Variants in PDGFD observed in about 807,000 individuals in gnomAD.
PDGFD encodes the protein platelet derived growth factor D.
In PDGFD, 30 loss-of-function variants were observed where a neutral mutation model predicts 44.7. The ratio of observed to expected loss-of-function variants is 0.67; its 90% CI spans 0.50 to 0.91. PDGFD has a LOEUF of 0.91. Among genes scored for constraint, PDGFD ranks in the 40% least tolerant of loss-of-function variants. The probability of loss-of-function intolerance (pLI) is 0.00; values close to 1 mark genes in which losing one functional copy is unlikely to be tolerated. For synonymous variants in PDGFD, 173 were observed against 168.4 expected, an observed-to-expected ratio of 1.03 and a Z score of -0.21; for missense variants, 445 against 457.8, an observed-to-expected ratio of 0.97 and a Z score of 0.25.
intron 1 of PDGFD, among the ~76,000 whole-genome samples, chr11:104,117,088 A>C (rs2134457103): frequency 6.6e-6 from 1 of 152,200 alleles, no homozygotes; most frequent in South Asian, 2.1e-4. Flanking sequence ...TATGCAAGTC[A>C]ATCAATGTGA....
chr11:104,012,321 A>T (rs1859796985), intron 1 of PDGFD, among the ~76,000 whole-genome samples: 1 of 152,244 alleles, frequency 6.6e-6, no homozygotes, highest in African/African-American at 2.4e-5. Flanking sequence ...ATACTGAATT[A>T]CCGAAGTGAT....
chr11:104,097,998 T>C (rs1047284068), intron 1 of PDGFD, among the ~76,000 whole-genome samples: 6 of 152,164 alleles, frequency 3.9e-5, no homozygotes. Context: ...CTGAATACTT[T>C]GAATAAAAAT....
At position 103,909,226 on chromosome 11, in the gene PDGFD, G is replaced by C. The variant is rs1857989100; in HGVS notation, c.*468C>G. 6.5e-6 allele frequency: 1 copy of C among 152,718 alleles called. No homozygotes were observed. Among genetic ancestry groups the C allele is most frequent in the African/African-American group, 2.4e-5 (1 of 41,400 alleles). The allele number at this position is 152,718 out of a possible 1,614,324, so 9.5% of individuals were successfully genotyped here. A position where few individuals can be genotyped will look rare whatever the true frequency, so the allele number is the denominator to read the frequency against. On this transcript the variant is annotated 3_prime_UTR_variant, in exon 7 of 7. Coordinates refer to ENST00000393158, the MANE Select transcript of PDGFD (RefSeq NM_025208.5). The stretch of plus-strand genomic sequence containing the variant: ...TTAATATACAAGATGCTTTCTTTAA[G>C]AGAGCAAGATTCAAAATTGTTTTGT...
At chr11:104,037,986 C>T in intron 1 of PDGFD, 1 of 1,613,624 alleles carries the variant, frequency 6.2e-7, no homozygotes, top group Non-Finnish European at 8.5e-7. Flanking sequence ...CACATTCAGT[C>T]ATGGATTCAG....
Position 103,908,892 on chromosome 11 carries a change from G to T in PDGFD, c.*802C>A, listed in dbSNP as rs1857983255. ...GCAAAGAAAAACAATTCAAAATTCTGTTACAGCTTATACATTGTCTTTTGT... is the reference window on the plus strand; with the variant it reads ...GCAAAGAAAAACAATTCAAAATTCTTTTACAGCTTATACATTGTCTTTTGT... On this transcript the variant is annotated 3_prime_UTR_variant, in exon 7 of 7. Transcript: ENST00000393158. 1 of 152,164 alleles carries T rather than the reference G, an allele frequency of 6.6e-6. No individual in the cohort carries two copies. Among genetic ancestry groups the T allele is most frequent in the African/African-American group, 2.4e-5 (1 of 41,456 alleles). The allele number at this position is 152,164 out of a possible 1,614,324, so 9.4% of individuals were successfully genotyped here.
At chr11:103,940,860 T>C (rs1757603780) in intron 5 of PDGFD, among the ~76,000 whole-genome samples, 1 of 152,120 alleles carries the variant, frequency 6.6e-6, no homozygotes, top group Admixed American at 6.6e-5. Flanking sequence ...GATGTTTACT[T>C]TGTCACAAAC....
chr11:103,994,854 A>T (rs1859512529), intron 3 of PDGFD, among the ~76,000 whole-genome samples: 1 of 150,716 alleles, frequency 6.6e-6, no homozygotes, highest in Non-Finnish European at 1.5e-5. Context: ...GTGTCTTGTT[A>T]TGCATCATTC....
At chr11:104,115,269 A>G (rs1861616983) in intron 1 of PDGFD, among the ~76,000 whole-genome samples, 1 of 148,418 alleles carries the variant, frequency 6.7e-6, no homozygotes, top group Non-Finnish European at 1.5e-5. Context: ...ATATATATAT[A>G]TATGTATGTA....
intron 1 of PDGFD, among the ~76,000 whole-genome samples, chr11:104,117,400 A>T (rs1861658266): frequency 6.6e-6 from 1 of 152,050 alleles, no homozygotes. Context: ...GACAAGAGAA[A>T]GAAATAAAGG....
intron 1 of PDGFD, among the ~76,000 whole-genome samples, chr11:104,044,994 C>A (rs1267101589): frequency 6.6e-6 from 1 of 152,094 alleles, no homozygotes; most frequent in African/African-American, 2.4e-5. Flanking sequence ...GCCGAGATCG[C>A]ACCACTGCAC....
intron 3 of PDGFD, among the ~76,000 whole-genome samples, chr11:103,969,692 T>C (rs1859075620): frequency 6.6e-6 from 1 of 152,024 alleles, no homozygotes; most frequent in African/African-American, 2.4e-5. Flanking sequence ...TGCATTTGAC[T>C]CTGCTAACAG....
chr11:104,163,989 C>T lies in PDGFD; in HGVS notation c.-62G>A, dbSNP rs969853574. ...AAAAGCCGGGTTCTGCTCCCGGGAC[C>T]GACGCCGCGCCGCCCTGCGCTCTCG... On this transcript the variant is annotated 5_prime_UTR_variant, in exon 1 of 7. Coordinates refer to ENST00000393158, the MANE Select transcript of PDGFD (RefSeq NM_025208.5). 2.7e-6 allele frequency: 4 copies of T among 1,463,996 alleles called. No homozygotes were observed. In the African/African-American group the frequency reaches 4.2e-5, roughly 15 times the overall value. The allele number at this position is 1,463,996 out of a possible 1,614,324, so 90.7% of individuals were successfully genotyped here. A position where few individuals can be genotyped will look rare whatever the true frequency, so the allele number is the denominator to read the frequency against.
intron 1 of PDGFD, among the ~76,000 whole-genome samples, chr11:104,002,341 T>C (rs1859632621): frequency 1.3e-5 from 2 of 152,146 alleles, no homozygotes; most frequent in African/African-American, 4.8e-5. Flanking sequence ...GACTAGATCA[T>C]GGGGTGGTTC....
At chr11:103,950,056 C>A (rs1858726829) in intron 3 of PDGFD, among the ~76,000 whole-genome samples, 1 of 152,120 alleles carries the variant, frequency 6.6e-6, no homozygotes, top group African/African-American at 2.4e-5. Flanking sequence ...AAGTTTGCTA[C>A]ATGAGAATGG....
chr11:104,036,443 CAA>C, intron 1 of PDGFD: 1 of 216,168 alleles, frequency 4.6e-6, no homozygotes, highest in African/African-American at 2.3e-5. Flanking sequence ...GATCCTGTCT[CAA>C]AAAAAAATGT....
chr11:104,083,484 T>C (rs1861076466), intron 1 of PDGFD, among the ~76,000 whole-genome samples: 1 of 152,182 alleles, frequency 6.6e-6, no homozygotes, highest in Admixed American at 6.5e-5. Context: ...CACTGATTAC[T>C]CTATAGCTAG....
intron 3 of PDGFD, among the ~76,000 whole-genome samples, chr11:103,976,840 T>C (rs943187056): frequency 6.6e-6 from 1 of 152,120 alleles, no homozygotes; most frequent in Non-Finnish European, 1.5e-5. Flanking sequence ...GTTTATGTCA[T>C]GGATTATGTT....
chr11:103,988,564 G>T (rs1490239531), intron 3 of PDGFD, among the ~76,000 whole-genome samples: 1 of 152,148 alleles, frequency 6.6e-6, no homozygotes, highest in Non-Finnish European at 1.5e-5. Flanking sequence ...CAAGTGTGGG[G>T]TACTTAACCG....
chr11:104,057,790 T>C (rs549965507), intron 1 of PDGFD, among the ~76,000 whole-genome samples: 14 of 152,282 alleles, frequency 9.2e-5, no homozygotes, highest in Non-Finnish European at 1.5e-4. Flanking sequence ...GCTACAGTAA[T>C]AAAGATAATT....
Sources: gnomAD v4.1 joint callset for allele counts (sites outside exome capture counted in the v4.1 genomes callset) on GRCh38, gnomAD v4.1.1 for gene constraint, MANE v1.5 for transcripts, NCBI Gene and HGNC (gene_info 2026-07-23, HGNC 2026-07-21) for gene names.